NCOA1: variants seen among roughly 807,000 people sequenced by gnomAD.
The protein encoded by NCOA1 is Hin-2 protein.
Under a neutral mutation model 150.9 loss-of-function variants are expected in NCOA1, and 35 were observed. That is an observed-to-expected ratio of 0.23 (90% confidence interval 0.18 to 0.31). NCOA1 has a LOEUF of 0.31. Ranked by LOEUF, NCOA1 falls within the 10% of genes least tolerant of loss-of-function variation. NCOA1 has a pLI of 1.00. For synonymous variants in NCOA1, 590 were observed against 630.0 expected, an observed-to-expected ratio of 0.94 and a Z score of 0.95; for missense variants, 1,491 against 1,749.3, an observed-to-expected ratio of 0.85 and a Z score of 2.63.
intron 4 of NCOA1, among the ~76,000 whole-genome samples, chr2:24,645,427 G>T (rs550769129): frequency 2.7e-5 from 4 of 150,374 alleles, no homozygotes; most frequent in Non-Finnish European, 5.9e-5. Flanking sequence ...GGCGAATGGC[G>T]TGAACCTGGG....
chr2:24,660,472 A>G (rs1013560835), intron 5 of NCOA1, among the ~76,000 whole-genome samples: 1 of 152,040 alleles, frequency 6.6e-6, no homozygotes, highest in Non-Finnish European at 1.5e-5. Context: ...TTTTATATAT[A>G]TACACACACA....
chr2:24,708,653 C>T (rs55893108), intron 13 of NCOA1, among the ~76,000 whole-genome samples: 2 of 152,094 alleles, frequency 1.3e-5, no homozygotes, highest in African/African-American at 2.4e-5. Flanking sequence ...AGAATATAGA[C>T]ATTCATTAAT....
intron 17 of NCOA1, among the ~76,000 whole-genome samples, chr2:24,732,929 CA>C (rs111334111): frequency 0.085 from 11,839 of 138,722 alleles, 532 homozygotes; most frequent in African/African-American, 0.13. Context: ...AAAAAAGGAA[CA>C]AAAAAAAAAA....
At chr2:24,629,767 C>T (rs749182834) in intron 3 of NCOA1, among the ~76,000 whole-genome samples, 24 of 143,280 alleles carry the variant, frequency 1.7e-4, no homozygotes, top group African/African-American at 3.6e-4. Context: ...TAATCAAACA[C>T]TTTCATGTTG....
chr2:24,736,851 T>A (rs1248886351), intron 17 of NCOA1, among the ~76,000 whole-genome samples: 1 of 152,188 alleles, frequency 6.6e-6, no homozygotes, highest in African/African-American at 2.4e-5. Context: ...AGATGTCCCT[T>A]GTTTGGCAGA....
At chr2:24,627,121 G>GTTTTTTTTT (rs33949925) in intron 3 of NCOA1, among the ~76,000 whole-genome samples, 10 of 115,142 alleles carry the variant, frequency 8.7e-5, no homozygotes, top group Non-Finnish European at 1.2e-4. Flanking sequence ...GTTTTTTGCT[G>GTTTTTTTTT]TTTTTTTTTT....
intron 1 of NCOA1, among the ~76,000 whole-genome samples, chr2:24,520,360 T>C (rs1189230144): frequency 3.9e-5 from 6 of 152,166 alleles, no homozygotes; most frequent in African/African-American, 1.4e-4. Flanking sequence ...CAAACGTCCT[T>C]AATAGGTAAA....
intron 1 of NCOA1, among the ~76,000 whole-genome samples, chr2:24,536,309 T>C (rs760782898): frequency 6.6e-6 from 1 of 152,200 alleles, no homozygotes; most frequent in Non-Finnish European, 1.5e-5. Context: ...ATCAGGTAAT[T>C]TAAGGTCTTC....
chr2:24,498,336 A>G (rs1447275119), intron 1 of NCOA1, among the ~76,000 whole-genome samples: 1 of 152,218 alleles, frequency 6.6e-6, no homozygotes, highest in African/African-American at 2.4e-5. Flanking sequence ...ATTAACCGAT[A>G]AAATATAGAT....
At chr2:24,736,035 A>G (rs940160712) in intron 17 of NCOA1, among the ~76,000 whole-genome samples, 2 of 152,076 alleles carry the variant, frequency 1.3e-5, no homozygotes, top group African/African-American at 4.8e-5. Context: ...CAGCCTGACC[A>G]ACATGGAGAA....
At chr2:24,495,698 G>T (rs1488207043) in intron 1 of NCOA1, among the ~76,000 whole-genome samples, 2 of 152,048 alleles carry the variant, frequency 1.3e-5, no homozygotes, top group Non-Finnish European at 2.9e-5. Context: ...TATAATTGTG[G>T]GGCAATTTTA....
At chr2:24,751,325 G>A (rs1664228962) in intron 19 of NCOA1, among the ~76,000 whole-genome samples, 1 of 149,396 alleles carries the variant, frequency 6.7e-6, no homozygotes, top group South Asian at 2.3e-4. Context: ...GCTCACACCT[G>A]TAATCCCAGC....
In NCOA1 at chr2:24,547,888, C is replaced by T. The variant is rs1203202635; in HGVS notation, c.-395-16407C>T. Among the ~76,000 whole-genome samples the T allele has an allele frequency of 2.6e-4, 38 of 147,544 alleles. 1 individual carries two copies. In the Admixed American group the frequency reaches 2.6e-3, roughly 10 times the overall value. ...CCCGTAGTCTCAGCTACTCGGGAGA[C>T]TGAGGCAGGAGAATGGCGTGAACCT... On this transcript the variant is annotated intron_variant, in intron 1 of 22. Transcript: ENST00000348332.
At chr2:24,636,106 G>A (rs377647004) in intron 3 of NCOA1, among the ~76,000 whole-genome samples, 19 of 152,102 alleles carry the variant, frequency 1.2e-4, no homozygotes, top group East Asian at 5.8e-4. Flanking sequence ...AAATCGGTTT[G>A]TATTTATTGA....
chr2:24,719,351 G>T (rs781113374), intron 14 of NCOA1, among the ~76,000 whole-genome samples: 1 of 152,132 alleles, frequency 6.6e-6, no homozygotes, highest in Non-Finnish European at 1.5e-5. Context: ...CTGTTTTCTT[G>T]ATTTGAGTGG....
chr2:24,760,306 ATTTTTTTTT>A (rs70947842), intron 21 of NCOA1, among the ~76,000 whole-genome samples: 2 of 99,740 alleles, frequency 2.0e-5, no homozygotes, highest in African/African-American at 3.8e-5. Context: ...TGCCCGGCTA[ATTTTTTTTT>A]TTTTTTTTTT....
intron 2 of NCOA1, among the ~76,000 whole-genome samples, chr2:24,576,170 G>GTTTTTGTTTTTTTTTTTTTTTTTTTTTTT (rs1666967476): frequency 1.7e-4 from 8 of 46,324 alleles, no homozygotes; most frequent in Admixed American, 6.5e-4. Context: ...TTTGTTTTTT[G>GTTTTTGTTTTTTTTTTTTTTTTTTTTTTT]TTTTTTTTTT....
At chr2:24,585,179 G>T (rs373239093) in intron 3 of NCOA1, among the ~76,000 whole-genome samples, 146 of 152,170 alleles carry the variant, frequency 9.6e-4, no homozygotes, top group African/African-American at 3.3e-3. Context: ...TGCTAAATTG[G>T]CATGTAGATA....
chr2:24,724,187 A>G (rs1207038005), intron 14 of NCOA1, among the ~76,000 whole-genome samples: 1 of 152,114 alleles, frequency 6.6e-6, no homozygotes, highest in African/African-American at 2.4e-5. Flanking sequence ...CAAAGATGAT[A>G]ACGAATGTTA....
Sources: allele counts gnomAD v4.1 joint callset (sites outside exome capture counted in the v4.1 genomes callset), GRCh38; gene constraint gnomAD v4.1.1; transcripts MANE v1.5; gene names NCBI Gene and HGNC (gene_info 2026-07-23, HGNC 2026-07-21).